HPX: variants seen among roughly 807,000 people sequenced by gnomAD.
HPX encodes the protein beta-1B-glycoprotein.
A neutral mutation model predicts 53.8 loss-of-function variants in HPX; 42 were observed. The ratio of observed to expected loss-of-function variants is 0.78; its 90% CI spans 0.61 to 1.01. The LOEUF (loss-of-function observed/expected upper bound fraction) is 1.01. Ranked by LOEUF, HPX falls within the 50% of genes least tolerant of loss-of-function variation. HPX has a pLI of 0.00. For synonymous variants in HPX, 229 were observed against 221.1 expected, an observed-to-expected ratio of 1.04 and a Z score of -0.32; for missense variants, 547 against 594.3, an observed-to-expected ratio of 0.92 and a Z score of 0.83.
rs748897040 is a variant in HPX, at chr11:6,438,520, A to C, written c.337-11T>G. On this transcript the variant is annotated splice_polypyrimidine_tract_variant and intron_variant, in intron 4 of 9. Transcript: ENST00000265983. ...CCAGACTTTGTCCCCCTGCATTCAA[A>C]AGTACTCTCTTTTTGACTGTGCATC... The C allele has an allele frequency of 2.9e-5, 47 of 1,613,334 alleles. No individual in the cohort carries two copies. The highest frequency in any genetic ancestry group is 3.9e-5 in the Non-Finnish European group (46 of 1,179,372).
chr11:6,433,710 G>A (rs912712827), intron 7 of HPX, among the ~76,000 whole-genome samples: 17 of 152,198 alleles, frequency 1.1e-4, no homozygotes, highest in Non-Finnish European at 1.9e-4. Flanking sequence ...TCACAGCCCT[G>A]CTCAAGACTT....
chr11:6,436,439 C>A (rs531861687), intron 7 of HPX, among the ~76,000 whole-genome samples: 1 of 152,114 alleles, frequency 6.6e-6, no homozygotes, highest in Non-Finnish European at 1.5e-5. Context: ...ATTGATGCCA[C>A]GGGTCAAGGG....
At chr11:6,431,504 C>T in intron 9 of HPX, 34 bp from the exon 10 acceptor site, 1 of 1,613,096 alleles carries the variant, frequency 6.2e-7, no homozygotes, top group Non-Finnish European at 8.5e-7. Flanking sequence ...GCATGGCTTC[C>T]ATGTCATGGG....
chr11:6,440,307 T>C (rs1360463482), intron 3 of HPX, 21 bp from the exon 4 acceptor site: 1 of 1,613,494 alleles, frequency 6.2e-7, no homozygotes, highest in Non-Finnish European at 8.5e-7. Flanking sequence ...CCACACTCAC[T>C]GAGGGGCCCA....
At chr11:6,440,366 A>G (rs1849466451) in intron 3 of HPX, 80 bp from the exon 4 acceptor site, 2 of 1,598,348 alleles carry the variant, frequency 1.3e-6, no homozygotes, top group Non-Finnish European at 1.7e-6. Context: ...GCTGTCAGTG[A>G]TACCATCAGA....
At chr11:6,438,164 T>G in intron 5 of HPX, 192 bp downstream of exon 5, 1 of 639,716 alleles carries the variant, frequency 1.6e-6, no homozygotes, top group South Asian at 1.9e-5. Flanking sequence ...TTACACACAG[T>G]TGCCTTCACC....
chr11:6,440,407 A>C, intron 3 of HPX, 60 bp downstream of exon 3: 1 of 1,589,582 alleles, frequency 6.3e-7, no homozygotes, highest in Non-Finnish European at 8.6e-7. Context: ...AGACAGGGAC[A>C]CCCTTTGTGA....
intron 7 of HPX, 126 bp from the exon 8 acceptor site, chr11:6,432,143 C>T (rs1849359325): frequency 1.9e-6 from 2 of 1,042,054 alleles, no homozygotes; most frequent in Non-Finnish European, 2.8e-6. Context: ...ATGGAAGAGG[C>T]CAGGTGAGAA....
intron 5 of HPX, 79 bp from the exon 6 acceptor site, chr11:6,437,731 G>T (rs1590805390): frequency 9.2e-7 from 1 of 1,088,246 alleles, no homozygotes; most frequent in Non-Finnish European, 1.4e-6. Flanking sequence ...CCCAGGATGG[G>T]CCAGATAATG....
chr11:6,434,428 C>G (rs1028479867), intron 7 of HPX, among the ~76,000 whole-genome samples: 125 of 152,308 alleles, frequency 8.2e-4, no homozygotes, highest in African/African-American at 2.9e-3. Flanking sequence ...CTCCCACACT[C>G]GAGCAATCCT....
At chr11:6,432,796 A>G (rs1849366593) in intron 7 of HPX, among the ~76,000 whole-genome samples, 5 of 152,078 alleles carry the variant, frequency 3.3e-5, no homozygotes. Context: ...TCAACCTGAT[A>G]TCTAAATATT....
intron 7 of HPX, among the ~76,000 whole-genome samples, chr11:6,435,869 T>C (rs745980400): frequency 2.6e-5 from 4 of 152,262 alleles, no homozygotes; most frequent in African/African-American, 4.8e-5. Context: ...TATGGCCACA[T>C]GGCCTTGAAG....
Position 6,431,790 on chromosome 11 carries a change from T to C in HPX, c.980A>G (p.Tyr327Cys). The change falls in exon 9 of 10, where the codon TAT (tyrosine) becomes TGT (cysteine). Residue 327 changes from tyrosine (Y) to cysteine (C), a missense_variant. Coordinates refer to ENST00000265983, the MANE Select transcript of HPX (RefSeq NM_000613.3). ...KLYLVQGTQV[Y>C]VFLTKGGYTL... is the part of the protein sequence containing the mutation. ...ATAGCCTCCCTTTGTCAGGAAGACA[T>C]ATACCTGGGTGCCCTGGAGGACAAA... 6.2e-7 allele frequency: 1 copy of C among 1,614,130 alleles called. No homozygotes were observed. The highest frequency in any genetic ancestry group is 8.5e-7 in the Non-Finnish European group (1 of 1,180,028).
At chr11:6,433,570 G>T (rs565066252) in intron 7 of HPX, among the ~76,000 whole-genome samples, 65 of 152,196 alleles carry the variant, frequency 4.3e-4, no homozygotes, top group Non-Finnish European at 6.6e-4. Flanking sequence ...TAGTCCAAGC[G>T]GTCATCACCT....
rs777177511 is a variant in HPX, at chr11:6,431,161, T to C, written c.*50A>G. The C allele has an allele frequency of 3.7e-6, 6 of 1,606,154 alleles. No individual in the cohort carries two copies. The Admixed American group carries it at 1.0e-4, about 27-fold the overall frequency. ...AAGCGAAGAAGCAATCTGTCTTTAT[T>C]ATGAGGAACTAGGAGGTGGGGCCAG... is the stretch of plus-strand genomic sequence containing the variant. On this transcript the variant is annotated 3_prime_UTR_variant, in exon 10 of 10. Coordinates refer to ENST00000265983, the MANE Select transcript of HPX (RefSeq NM_000613.3).
At chr11:6,437,689 G>T (rs182289933) in intron 5 of HPX, 37 bp from the exon 6 acceptor site, 2 of 1,549,982 alleles carry the variant, frequency 1.3e-6, no homozygotes, top group African/African-American at 2.7e-5. Flanking sequence ...TGGTGAGACC[G>T]GGTTACGCCC....
At chr11:6,438,791 C>T (rs1258113691) in intron 4 of HPX, among the ~76,000 whole-genome samples, 1 of 152,218 alleles carries the variant, frequency 6.6e-6, no homozygotes, top group East Asian at 1.9e-4. Flanking sequence ...CAAACATATC[C>T]ACAACTGTTC....
At position 6,431,509 on chromosome 11, in the gene HPX, C is replaced by T. The variant is rs1182937899; in HGVS notation, c.1130-39G>A. 2.5e-6 allele frequency: 4 copies of T among 1,612,526 alleles called. No homozygotes were observed. The East Asian group carries it at 6.7e-5, about 27-fold the overall frequency. On this transcript the variant is annotated intron_variant, in intron 9 of 9. Coordinates refer to ENST00000265983, the MANE Select transcript of HPX (RefSeq NM_000613.3). ...ACCAAACATAGCATGGCTTCCATGT[C>T]ATGGGGATCCTGACCTAGGCCTTCT...
intron 7 of HPX, among the ~76,000 whole-genome samples, chr11:6,433,285 T>G (rs528819002): frequency 6.6e-6 from 1 of 152,274 alleles, no homozygotes; most frequent in East Asian, 1.9e-4. Context: ...CAAGCGATTC[T>G]CCTGCCTCAG....
Sources: gnomAD v4.1 joint callset for allele counts (sites outside exome capture counted in the v4.1 genomes callset) on GRCh38, gnomAD v4.1.1 for gene constraint, MANE v1.5 for transcripts, NCBI Gene and HGNC (gene_info 2026-07-23, HGNC 2026-07-21) for gene names.